CAST: variants seen among roughly 807,000 people sequenced by gnomAD.
CAST encodes the protein MIR583 host.
In CAST, 76 loss-of-function variants were observed where a neutral mutation model predicts 119.6. The observed-to-expected ratio is 0.64, with a 90% CI of 0.53 to 0.77. CAST has a LOEUF of 0.77. CAST is among the 30% of genes least tolerant of loss of function. CAST has a pLI of 0.00. For missense variants in CAST, 953 were observed against 946.5 expected, an observed-to-expected ratio of 1.01 and a Z score of -0.09; for synonymous variants, 319 against 331.6, an observed-to-expected ratio of 0.96 and a Z score of 0.41.
chr5:96,729,423 T>G (rs1174881028), intron 7 of CAST, among the ~76,000 whole-genome samples, 189 bp from the exon 8 acceptor site: 2 of 152,256 alleles, frequency 1.3e-5, no homozygotes, highest in African/African-American at 4.8e-5. Flanking sequence ...TTTCAAATTT[T>G]GTACCTAAAG....
intron 1 of CAST, among the ~76,000 whole-genome samples, chr5:96,575,545 T>G (rs1746654093): frequency 1.3e-5 from 2 of 152,098 alleles, no homozygotes. Flanking sequence ...TTTTTGTAGA[T>G]GCTATCTATC....
the CAST span, among the ~76,000 whole-genome samples, chr5:95,988,560 C>A: frequency 2.0e-5 from 3 of 151,952 alleles, no homozygotes; most frequent in Non-Finnish European, 2.9e-5. Context: ...CTCTTTTATT[C>A]AAAAAAACTC....
intron 1 of CAST, among the ~76,000 whole-genome samples, chr5:96,534,364 G>T (rs577578909): frequency 6.6e-6 from 1 of 151,862 alleles, no homozygotes; most frequent in East Asian, 1.9e-4. Context: ...TAACCTTTAA[G>T]AAACCGTTAC....
chr5:96,239,339 T>G, the CAST span, among the ~76,000 whole-genome samples: 6 of 152,152 alleles, frequency 3.9e-5, no homozygotes, highest in Non-Finnish European at 7.4e-5. Context: ...GTAAATTGCC[T>G]GTGATTATTC....
At chr5:96,088,200 C>T in the CAST span, among the ~76,000 whole-genome samples, 2 of 152,174 alleles carry the variant, frequency 1.3e-5, no homozygotes, top group Admixed American at 1.3e-4. Context: ...TTTGTGCACA[C>T]ACTCAAAAAA....
intron 3 of CAST, among the ~76,000 whole-genome samples, chr5:96,712,762 C>G (rs1275750230): frequency 3.3e-5 from 5 of 151,028 alleles, no homozygotes; most frequent in African/African-American, 1.2e-4. Flanking sequence ...TTATTTCACT[C>G]CCCATTTTCA....
At chr5:96,533,538 A>T (rs1051265693) in intron 1 of CAST, among the ~76,000 whole-genome samples, 1 of 152,194 alleles carries the variant, frequency 6.6e-6, no homozygotes, top group Non-Finnish European at 1.5e-5. Context: ...ATTCGCACTG[A>T]TGGAGCATAA....
chr5:96,734,989 G>C (rs1192672409), intron 9 of CAST, among the ~76,000 whole-genome samples: 1 of 152,092 alleles, frequency 6.6e-6, no homozygotes, highest in Non-Finnish European at 1.5e-5. Flanking sequence ...GAGACATTGA[G>C]AAGGAAGAGG....
chr5:96,003,223 G>A, the CAST span, among the ~76,000 whole-genome samples: 1 of 151,982 alleles, frequency 6.6e-6, no homozygotes, highest in Non-Finnish European at 1.5e-5. Context: ...CTGGGCGACA[G>A]AGCAAGATTC....
the CAST span, among the ~76,000 whole-genome samples, chr5:96,269,865 A>C: frequency 2.6e-5 from 4 of 152,172 alleles, no homozygotes; most frequent in Non-Finnish European, 5.9e-5. Flanking sequence ...TCTTTAAAAA[A>C]ATTGAGAAGG....
the CAST span, among the ~76,000 whole-genome samples, chr5:96,068,233 C>T: frequency 1.3e-5 from 2 of 152,084 alleles, no homozygotes; most frequent in Admixed American, 6.6e-5. Flanking sequence ...TCACCATTAC[C>T]CTGTCTGAAC....
intron 4 of CAST, 28 bp downstream of exon 4, chr5:96,722,726 C>T: frequency 6.6e-7 from 1 of 1,520,518 alleles, no homozygotes; most frequent in Non-Finnish European, 9.1e-7. Flanking sequence ...TGAGTGAGTG[C>T]TAATTTAAGT....
the CAST span, among the ~76,000 whole-genome samples, chr5:96,331,266 T>C: frequency 1.3e-5 from 2 of 152,176 alleles, no homozygotes; most frequent in Non-Finnish European, 2.9e-5. Context: ...CCTTTATCTT[T>C]CCTTAAATGT....
At chr5:96,188,511 G>C in the CAST span, among the ~76,000 whole-genome samples, 1 of 151,656 alleles carries the variant, frequency 6.6e-6, no homozygotes, top group African/African-American at 2.4e-5. Context: ...CTTTGTTTTT[G>C]GTTGTAACTT....
At chr5:96,187,049 G>A in the CAST span, among the ~76,000 whole-genome samples, 1 of 152,158 alleles carries the variant, frequency 6.6e-6, no homozygotes, top group South Asian at 2.1e-4. Context: ...TCAGTTCAGG[G>A]ATTCAGTTTC....
At chr5:96,432,871 A>G in the CAST span, 4 of 1,613,412 alleles carry the variant, frequency 2.5e-6, no homozygotes, top group East Asian at 8.9e-5. Flanking sequence ...ACCTGACCCA[A>G]AAGGTCATAG....
the CAST span, among the ~76,000 whole-genome samples, chr5:96,271,559 T>C: frequency 1.3e-5 from 2 of 149,774 alleles, no homozygotes; most frequent in African/African-American, 4.9e-5. Context: ...TGCAGAAGAA[T>C]AAAACTAGAT....
the CAST span, among the ~76,000 whole-genome samples, chr5:95,994,385 G>A: frequency 6.6e-6 from 1 of 151,990 alleles, no homozygotes; most frequent in Non-Finnish European, 1.5e-5. Flanking sequence ...TATGTTAAAA[G>A]AAATCACAAC....
chr5:96,236,019 C>T, the CAST span, among the ~76,000 whole-genome samples: 11 of 152,102 alleles, frequency 7.2e-5, no homozygotes, highest in African/African-American at 1.4e-4. Context: ...TTTTGCTTTT[C>T]GATAGCATTG....
Sources: allele counts gnomAD v4.1 joint callset (sites outside exome capture counted in the v4.1 genomes callset), GRCh38; gene constraint gnomAD v4.1.1; transcripts MANE v1.5; gene names NCBI Gene and HGNC (gene_info 2026-07-23, HGNC 2026-07-21).